TSC1: variants seen among roughly 807,000 people sequenced by gnomAD.
TSC1 encodes hamartin.
TSC1 carries 20 observed loss-of-function variants against 124.3 expected under a neutral mutation model. That is an observed-to-expected ratio of 0.16 (90% CI 0.11 to 0.23). TSC1 has a LOEUF of 0.23. Among genes scored for constraint, TSC1 ranks in the 10% least tolerant of loss-of-function variants. The pLI is 1.00. For synonymous variants in TSC1, 493 were observed against 539.1 expected, an observed-to-expected ratio of 0.91 and a Z score of 1.19; for missense variants, 1,124 against 1,448.5, an observed-to-expected ratio of 0.78 and a Z score of 3.64.
At chr9:132,916,082 C>G (rs1564493306) in intron 8 of TSC1, among the ~76,000 whole-genome samples, 1 of 152,216 alleles carries the variant, frequency 6.6e-6, no homozygotes, top group Non-Finnish European at 1.5e-5. Flanking sequence ...TATGCACTTA[C>G]AGTATTTCCC....
chr9:132,898,859 G>T (rs1382595008), intron 20 of TSC1: 1 of 152,264 alleles, frequency 6.6e-6, no homozygotes, highest in Non-Finnish European at 1.5e-5. Flanking sequence ...CTAGGGATGG[G>T]CACAGGACAG....
intron 3 of TSC1, 100 bp from the exon 4 acceptor site, chr9:132,927,404 A>T: frequency 9.2e-7 from 1 of 1,090,920 alleles, no homozygotes; most frequent in African/African-American, 1.6e-5. Flanking sequence ...ATGTTTCTTT[A>T]TATGCTATTC....
chr9:132,918,548 T>C (rs1846380118), intron 8 of TSC1, among the ~76,000 whole-genome samples: 1 of 152,190 alleles, frequency 6.6e-6, no homozygotes, highest in Non-Finnish European at 1.5e-5. Flanking sequence ...GGATAAAGTA[T>C]TCCAGAAGTA....
intron 8 of TSC1, among the ~76,000 whole-genome samples, chr9:132,918,562 G>A (rs544319261): frequency 6.6e-6 from 1 of 152,282 alleles, no homozygotes; most frequent in African/African-American, 2.4e-5. Context: ...AGAAGTAGTT[G>A]AGGGCATGAG....
At chr9:132,911,395 A>G (rs776918143) in intron 10 of TSC1, 58 bp downstream of exon 10, 10 of 1,336,946 alleles carry the variant, frequency 7.5e-6, no homozygotes, top group Non-Finnish European at 9.7e-6. Context: ...ATCTGACCCA[A>G]AGGGTCAGCT....
rs575067626 is a variant in TSC1, at chr9:132,940,397, T to C, written c.-144+4146A>G. ...GAATTTTTTTGGTGATGATGGGACA[T>C]AAAGGGTAGAAGAGAAATTTGGTCC... On this transcript the variant is annotated intron_variant, in intron 1 of 22. Coordinates refer to ENST00000298552, the MANE Select transcript of TSC1 (RefSeq NM_000368.5). Among the ~76,000 whole-genome samples, 11 of 152,220 alleles carry C rather than the reference T, an allele frequency of 7.2e-5. 1 individual carries two copies. In the South Asian group the frequency reaches 1.9e-3, roughly 26 times the overall value.
chr9:132,920,408 C>A (rs1013687377), intron 8 of TSC1, among the ~76,000 whole-genome samples: 1 of 152,172 alleles, frequency 6.6e-6, no homozygotes, highest in African/African-American at 2.4e-5. Context: ...GGGTTCTCCA[C>A]GGGGAGCCTC....
In TSC1 at chr9:132,921,555, G is replaced by T. The variant is rs539032673; in HGVS notation, c.664-119C>A. On this transcript the variant is annotated intron_variant, in intron 7 of 22. Coordinates refer to ENST00000298552, the MANE Select transcript of TSC1 (RefSeq NM_000368.5). This position sits in a 1 kb window ranked among gnomAD's most constrained non-coding sequence, Gnocchi z 4.3. ...ACTGATACATGTTATAACACAGATG[G>T]AACCTTGAGAACATTATACTGAGTG... 17 of 1,184,604 alleles carry T rather than the reference G, an allele frequency of 1.4e-5. No individual in the cohort carries two copies. Among genetic ancestry groups the T allele is most frequent in the Admixed American group, 7.6e-5 (4 of 52,636 alleles). The allele number at this position is 1,184,604 out of a possible 1,614,324, so 73.4% of individuals were successfully genotyped here. A position where few individuals can be genotyped will look rare whatever the true frequency, so the allele number is the denominator to read the frequency against.
Position 132,894,715 on chromosome 9 carries a change from A to AT in TSC1, c.*1519_*1520insA. On this transcript the variant is annotated 3_prime_UTR_variant, in exon 23 of 23. Coordinates refer to ENST00000298552, the MANE Select transcript of TSC1 (RefSeq NM_000368.5). Reference sequence around the variant, plus strand: ...TGCTAAAAAAAAAAAAAAAAAAAAAAGACTTTCATTCTCTCTGCTCGAGGC... The same window carrying AT: ...TGCTAAAAAAAAAAAAAAAAAAAAAATGACTTTCATTCTCTCTGCTCGAGGC... 1 of 191,316 alleles carries AT rather than the reference A, an allele frequency of 5.2e-6. No individual in the cohort carries two copies. The highest frequency in any genetic ancestry group is 2.4e-5 in the African/African-American group (1 of 42,088). The allele number at this position is 191,316 out of a possible 1,614,324, so 11.9% of individuals were successfully genotyped here. A position where few individuals can be genotyped will look rare whatever the true frequency, so the allele number is the denominator to read the frequency against.
intron 8 of TSC1, among the ~76,000 whole-genome samples, chr9:132,915,990 A>G (rs2132060609): frequency 6.6e-6 from 1 of 152,362 alleles, no homozygotes; most frequent in Non-Finnish European, 1.5e-5. Flanking sequence ...TGTACACACA[A>G]GAAGATTGAT....
At position 132,895,008 on chromosome 9, in the gene TSC1, G is replaced by T. The variant is rs1465467345; in HGVS notation, c.*1227C>A. Reference sequence around the variant, plus strand: ...CGGGAGCACGTGGGGCAGCCTAGTGGGTATACACAGCCAGCCTTTGCCAGC... The same window carrying T: ...CGGGAGCACGTGGGGCAGCCTAGTGTGTATACACAGCCAGCCTTTGCCAGC... On this transcript the variant is annotated 3_prime_UTR_variant, in exon 23 of 23. Coordinates refer to ENST00000298552, the MANE Select transcript of TSC1 (RefSeq NM_000368.5). 8.6e-6 allele frequency: 2 copies of T among 232,324 alleles called. No homozygotes were observed. Among genetic ancestry groups the T allele is most frequent in the African/African-American group, 4.4e-5 (2 of 45,244 alleles). The allele number at this position is 232,324 out of a possible 1,614,324, so 14.4% of individuals were successfully genotyped here.
intron 12 of TSC1, 171 bp downstream of exon 12, chr9:132,910,400 C>G: frequency 8.0e-7 from 1 of 1,245,172 alleles, no homozygotes; most frequent in East Asian, 2.5e-5. Context: ...ACCCAGGGGT[C>G]GGCAGATCAC....
intron 4 of TSC1, 66 bp from the exon 5 acceptor site, chr9:132,925,805 G>A: frequency 6.4e-7 from 1 of 1,568,868 alleles, no homozygotes; most frequent in Non-Finnish European, 8.8e-7. Context: ...AATAAAGACA[G>A]CAATGATGTG....
intron 8 of TSC1, among the ~76,000 whole-genome samples, chr9:132,915,853 A>G (rs867656388): frequency 6.6e-6 from 1 of 152,202 alleles, no homozygotes. Context: ...TTTCGATTTC[A>G]GGGCTGCCCC....
At chr9:132,899,318 C>T in intron 20 of TSC1, 1 of 152,412 alleles carries the variant, frequency 6.6e-6, no homozygotes, top group Non-Finnish European at 1.5e-5. Context: ...GTGCCTGTGG[C>T]ACACACCTGG....
At chr9:132,922,452 G>A (rs1331428463) in intron 6 of TSC1, among the ~76,000 whole-genome samples, 3 of 152,166 alleles carry the variant, frequency 2.0e-5, no homozygotes, top group Non-Finnish European at 2.9e-5. Flanking sequence ...CAGAATGAAT[G>A]TGTGAGACTC....
rs547579970 is a variant in TSC1, at chr9:132,892,168, C to T, written c.*4067G>A. Reference sequence around the variant, plus strand: ...CAGGAACACGCTCCCCTGGGCACATCGAAGAGTCCCGGACAGGCAAACAAG... The same window carrying T: ...CAGGAACACGCTCCCCTGGGCACATTGAAGAGTCCCGGACAGGCAAACAAG... On this transcript the variant is annotated 3_prime_UTR_variant, in exon 23 of 23. Coordinates refer to ENST00000298552, the MANE Select transcript of TSC1 (RefSeq NM_000368.5). 2.1e-5 allele frequency: 5 copies of T among 233,224 alleles called. No individual in the cohort carries two copies. Among genetic ancestry groups the T allele is most frequent in the Admixed American group, 5.6e-5 (1 of 17,800 alleles). 14.4% of individuals were successfully genotyped at this position (233,224 alleles called of 1,614,324 possible).
At chr9:132,901,507 A>G (rs1024180257) in intron 19 of TSC1, 82 bp downstream of exon 19, 13 of 1,272,754 alleles carry the variant, frequency 1.0e-5, no homozygotes, top group African/African-American at 1.5e-5. Context: ...CACTCAAGTA[A>G]TCTATTTCTT....
intron 5 of TSC1, among the ~76,000 whole-genome samples, chr9:132,924,178 A>T (rs1164503233): frequency 6.6e-6 from 1 of 152,204 alleles, no homozygotes; most frequent in Non-Finnish European, 1.5e-5. Flanking sequence ...AGCTCTGACT[A>T]GCTAGCTACA....
Sources: allele counts gnomAD v4.1 joint callset (sites outside exome capture counted in the v4.1 genomes callset), GRCh38; gene constraint gnomAD v4.1.1; non-coding constraint Gnocchi (gnomAD v3.1); transcripts MANE v1.5; gene names NCBI Gene and HGNC (gene_info 2026-07-23, HGNC 2026-07-21).